Variants in NUSAP1 observed in about 807,000 individuals in gnomAD.
NUSAP1 encodes the protein nucleolar and spindle associated protein 1.
NUSAP1 carries 32 observed loss-of-function variants against 52.8 expected under a neutral mutation model. The observed-to-expected ratio is 0.61, with a 90% CI of 0.46 to 0.81. The LOEUF is 0.81. NUSAP1 is among the 40% of genes least tolerant of loss of function. The probability of loss-of-function intolerance (pLI) is 0.00; values close to 1 mark genes in which losing one functional copy is unlikely to be tolerated. For missense variants in NUSAP1, 499 were observed against 522.3 expected, an observed-to-expected ratio of 0.96 and a Z score of 0.43; for synonymous variants, 195 against 183.1, an observed-to-expected ratio of 1.06 and a Z score of -0.52.
Position 41,380,244 on chromosome 15 carries a change from T to C in NUSAP1, c.*58T>C. ...TTCTCAACTTTTTTCCTTTTGTAAA[T>C]TTTTTTTTTTTGCTGTCATCCCCAC... On this transcript the variant is annotated 3_prime_UTR_variant, in exon 11 of 11. Transcript: ENST00000559596. 1 of 619,670 alleles carries C rather than the reference T, an allele frequency of 1.6e-6. No homozygotes were observed. The highest frequency in any genetic ancestry group is 2.3e-6 in the Non-Finnish European group (1 of 442,552). The allele number at this position is 619,670 out of a possible 1,614,324, so 38.4% of individuals were successfully genotyped here.
intron 10 of NUSAP1, among the ~76,000 whole-genome samples, chr15:41,377,516 G>T (rs955822008): frequency 5.4e-5 from 8 of 148,494 alleles, no homozygotes; most frequent in Non-Finnish European, 1.0e-4. Flanking sequence ...TGGCTAACAC[G>T]GTGAAACCCC....
chr15:41,342,446 G>C lies in NUSAP1; in HGVS notation c.154G>C (p.Glu52Gln). 6.3e-7 allele frequency: 1 copy of C among 1,587,310 alleles called. No individual in the cohort carries two copies. Among genetic ancestry groups the C allele is most frequent in the Non-Finnish European group, 8.6e-7 (1 of 1,166,076 alleles). ...TAAACATGAGGCAAGAAAAGGAAAT[G>C]AGAATCAGGTGAGTAATGTTTTTCA... ...YIKHEARKGNENQDESQTSAS... is the reference protein window; with the variant it reads ...YIKHEARKGNQNQDESQTSAS... Residue 52 changes from glutamate (E) to glutamine (Q), a missense_variant, in exon 2 of 11, where the codon GAG becomes CAG. Coordinates refer to ENST00000559596, the MANE Select transcript of NUSAP1 (RefSeq NM_016359.5).
At chr15:41,378,948 T>TTTTTTTTTG (rs2050097528) in intron 10 of NUSAP1, among the ~76,000 whole-genome samples, 2 of 96,992 alleles carry the variant, frequency 2.1e-5, no homozygotes, top group Non-Finnish European at 4.1e-5. Flanking sequence ...ATCTTGGTTT[T>TTTTTTTTTG]TTTTTTTTTT....
chr15:41,342,330 A>G (rs528961652), intron 1 of NUSAP1, 56 bp from the exon 2 acceptor site: 22 of 1,186,662 alleles, frequency 1.9e-5, no homozygotes, highest in Admixed American at 4.1e-5. Context: ...AAAATATTCA[A>G]CGTATCTTCC....
At chr15:41,357,223 C>G (rs1258092533) in intron 5 of NUSAP1, among the ~76,000 whole-genome samples, 4 of 151,846 alleles carry the variant, frequency 2.6e-5, no homozygotes, top group African/African-American at 9.7e-5. Flanking sequence ...CAAACATTAG[C>G]CAGGTGTGGC....
At chr15:41,358,440 A>G (rs1433214807) in intron 6 of NUSAP1, among the ~76,000 whole-genome samples, 182 bp downstream of exon 6, 2 of 152,182 alleles carry the variant, frequency 1.3e-5, no homozygotes, top group Non-Finnish European at 2.9e-5. Flanking sequence ...CCTCTAGATA[A>G]AACAGTGAAT....
At chr15:41,375,629 G>A (rs1005767374) in intron 8 of NUSAP1, 83 bp from the exon 9 acceptor site, 1 of 927,774 alleles carries the variant, frequency 1.1e-6, no homozygotes, top group African/African-American at 1.6e-5. Context: ...GTATTTTTAA[G>A]ATTGAGAAGT....
chr15:41,333,006 C>T lies in NUSAP1; in HGVS notation c.49C>T (p.Leu17=), dbSNP rs775827876. 2 of 1,612,142 alleles carry T rather than the reference C, an allele frequency of 1.2e-6. No individual in the cohort carries two copies. Among genetic ancestry groups the T allele is most frequent in the Non-Finnish European group, 8.5e-7 (1 of 1,179,190 alleles). The change falls in exon 1 of 11, where the codon CTG becomes TTG. Residue 17 remains leucine (L), a synonymous_variant. Transcript: ENST00000559596. ...GCTGGACTCCCTCAAGTACAGTGAC[C>T]TGCAGAACTTAGCCAAGAGTCTGGG... The part of the protein sequence containing the change: ...EELDSLKYSD[L]QNLAKSLGLR...
At chr15:41,347,641 C>T (rs1374708280) in intron 2 of NUSAP1, among the ~76,000 whole-genome samples, 6 of 151,656 alleles carry the variant, frequency 4.0e-5, no homozygotes, top group South Asian at 4.2e-4. Flanking sequence ...GGCGAAACCC[C>T]GTCTCTACTA....
At chr15:41,365,092 A>G (rs1384721700) in intron 6 of NUSAP1, among the ~76,000 whole-genome samples, 1 of 152,186 alleles carries the variant, frequency 6.6e-6, no homozygotes, top group African/African-American at 2.4e-5. Flanking sequence ...GGAATGAAAC[A>G]GGGATAAATG....
At chr15:41,339,838 G>A (rs1195037493) in intron 1 of NUSAP1, among the ~76,000 whole-genome samples, 1 of 151,002 alleles carries the variant, frequency 6.6e-6, no homozygotes, top group African/African-American at 2.4e-5. Flanking sequence ...CTGGAGTGCA[G>A]TGGTGCGATT....
At chr15:41,363,619 C>T (rs952874415) in intron 6 of NUSAP1, among the ~76,000 whole-genome samples, 2 of 151,922 alleles carry the variant, frequency 1.3e-5, no homozygotes, top group East Asian at 1.9e-4. Context: ...GCGGTCCCCC[C>T]TCTTCTGCCT....
At chr15:41,376,619 A>C (rs2049948118) in intron 9 of NUSAP1, among the ~76,000 whole-genome samples, 9 of 151,700 alleles carry the variant, frequency 5.9e-5, no homozygotes, top group Admixed American at 5.3e-4. Flanking sequence ...TGAACCCAGG[A>C]GGTGAAGCTT....
At chr15:41,359,939 C>G (rs2049109983) in intron 6 of NUSAP1, among the ~76,000 whole-genome samples, 1 of 151,870 alleles carries the variant, frequency 6.6e-6, no homozygotes, top group Non-Finnish European at 1.5e-5. Flanking sequence ...ACTGTTACCA[C>G]ATTTGAAGGC....
chr15:41,373,946 T>C (rs2049818042), intron 8 of NUSAP1, among the ~76,000 whole-genome samples: 1 of 152,006 alleles, frequency 6.6e-6, no homozygotes, highest in South Asian at 2.1e-4. Flanking sequence ...TCCCAGCACT[T>C]TGGGAGGCCA....
intron 9 of NUSAP1, 97 bp downstream of exon 9, chr15:41,375,925 G>T: frequency 1.3e-6 from 1 of 785,954 alleles, no homozygotes; most frequent in Non-Finnish European, 2.2e-6. Context: ...AATTAGCCAG[G>T]CGTGGTGGCA....
chr15:41,345,648 G>GTTT, intron 2 of NUSAP1: 5 of 263,874 alleles, frequency 1.9e-5, no homozygotes, highest in South Asian at 1.6e-4. Context: ...TAGTAGAGAC[G>GTTT]GGGTTTCACA....
intron 10 of NUSAP1, among the ~76,000 whole-genome samples, chr15:41,379,078 C>T (rs1268859765): frequency 1.3e-5 from 2 of 150,118 alleles, no homozygotes; most frequent in African/African-American, 2.5e-5. Flanking sequence ...CTCAGCCTCC[C>T]GAGTAGCTGG....
intron 2 of NUSAP1, 79 bp downstream of exon 2, chr15:41,342,533 G>A: frequency 9.3e-7 from 1 of 1,076,954 alleles, no homozygotes. Flanking sequence ...CACACAACTA[G>A]TGATGATTTA....
Sources: allele counts gnomAD v4.1 joint callset (sites outside exome capture counted in the v4.1 genomes callset), GRCh38; gene constraint gnomAD v4.1.1; transcripts MANE v1.5; gene names NCBI Gene and HGNC (gene_info 2026-07-23, HGNC 2026-07-21).